Variants in PCDHGA10 observed in about 807,000 individuals in gnomAD.
PCDHGA10 encodes protocadherin gamma subfamily A, 10, also known as protocadherin gamma-A10.
In PCDHGA10, 42 loss-of-function variants were observed where a neutral mutation model predicts 59.5. That is an observed-to-expected ratio of 0.71 (90% confidence interval 0.55 to 0.91). PCDHGA10 has a LOEUF of 0.91. Ranked by LOEUF, PCDHGA10 falls within the 40% of genes least tolerant of loss-of-function variation. The pLI, the probability that PCDHGA10 is intolerant of heterozygous loss-of-function variation, is 0.00. For synonymous variants in PCDHGA10, 511 were observed against 517.2 expected, an observed-to-expected ratio of 0.99 and a Z score of 0.16; for missense variants, 1,111 against 1,198.2, an observed-to-expected ratio of 0.93 and a Z score of 1.07.
At chr5:141,470,139 A>AT (rs146570937) in intron 1 of PCDHGA10, among the ~76,000 whole-genome samples, 7,047 of 152,316 alleles carry the variant, frequency 0.046, 200 homozygotes, top group Middle Eastern at 0.092. Flanking sequence ...AAAAAAAAAG[A>AT]TCATAGATCA....
chr5:141,448,192 TACAAAC>T (rs2098573842), intron 1 of PCDHGA10, among the ~76,000 whole-genome samples: 1 of 152,188 alleles, frequency 6.6e-6, no homozygotes, highest in Non-Finnish European at 1.5e-5. Flanking sequence ...TATGTACACT[TACAAAC>T]ATTTTCTGTG....
At chr5:141,492,265 G>C (rs1363279754) in intron 1 of PCDHGA10, among the ~76,000 whole-genome samples, 1 of 152,180 alleles carries the variant, frequency 6.6e-6, no homozygotes, top group Non-Finnish European at 1.5e-5. Flanking sequence ...CAAGTTGCAC[G>C]GGCTCGCCAC....
chr5:141,424,246 A>G (rs971050268), intron 1 of PCDHGA10: 2 of 154,772 alleles, frequency 1.3e-5, no homozygotes, highest in African/African-American at 4.8e-5. Context: ...GTGGCTGGTA[A>G]TATGCTTAGA....
At chr5:141,464,312 C>T (rs2099081610) in intron 1 of PCDHGA10, among the ~76,000 whole-genome samples, 1 of 149,056 alleles carries the variant, frequency 6.7e-6, no homozygotes, top group South Asian at 2.1e-4. Flanking sequence ...GTGCACATAT[C>T]ATTATCTGTT....
At chr5:141,464,682 T>C (rs1442997972) in intron 1 of PCDHGA10, among the ~76,000 whole-genome samples, 1 of 152,132 alleles carries the variant, frequency 6.6e-6, no homozygotes, top group Non-Finnish European at 1.5e-5. Flanking sequence ...TTAATTAAAA[T>C]TTCTCTTATT....
chr5:141,509,298 C>A (rs974744333), intron 3 of PCDHGA10, among the ~76,000 whole-genome samples: 1 of 152,180 alleles, frequency 6.6e-6, no homozygotes, highest in Non-Finnish European at 1.5e-5. Flanking sequence ...AGGGTGGAGG[C>A]AGAGGGAGGC....
intron 1 of PCDHGA10, chr5:141,418,120 G>A: frequency 6.2e-7 from 1 of 1,614,084 alleles, no homozygotes; most frequent in Non-Finnish European, 8.5e-7. Context: ...TACTTGTGAA[G>A]GACCGAATAG....
At chr5:141,422,887 C>T in intron 1 of PCDHGA10, 1 of 1,614,264 alleles carries the variant, frequency 6.2e-7, no homozygotes, top group Non-Finnish European at 8.5e-7. Context: ...CCTGTTCGTG[C>T]TGGACCAGAA....
In PCDHGA10 at chr5:141,481,831, G is replaced by A. The variant is rs35816779; in HGVS notation, c.2437-12976G>A. On this transcript the variant is annotated intron_variant, in intron 1 of 3. Coordinates refer to ENST00000398610, the MANE Select transcript of PCDHGA10 (RefSeq NM_018913.3). ...ACCAGGCGTGGTGGCTGAGGCAGGAGAATCGCTTGATGGTGGAGGTTGCAG... is the reference window on the plus strand; with the variant it reads ...ACCAGGCGTGGTGGCTGAGGCAGGAAAATCGCTTGATGGTGGAGGTTGCAG... Among the ~76,000 whole-genome samples the A allele has an allele frequency of 1.9e-3, 280 of 149,560 alleles. 1 individual carries two copies. The highest frequency in any genetic ancestry group is 0.01 in the Middle Eastern group (3 of 290).
chr5:141,474,967 T>G (rs745581213), intron 1 of PCDHGA10, among the ~76,000 whole-genome samples: 6 of 152,252 alleles, frequency 3.9e-5, no homozygotes, highest in Non-Finnish European at 7.3e-5. Context: ...TCCTAATCAT[T>G]ATAATTTTGT....
chr5:141,497,131 A>G (rs1269110126), intron 2 of PCDHGA10, among the ~76,000 whole-genome samples: 3 of 152,122 alleles, frequency 2.0e-5, no homozygotes, highest in Admixed American at 6.6e-5. Flanking sequence ...GGTTGCAGTG[A>G]GCTGAGATCA....
chr5:141,461,196 T>C (rs1398352067), intron 1 of PCDHGA10, among the ~76,000 whole-genome samples: 3 of 152,128 alleles, frequency 2.0e-5, no homozygotes. Context: ...TGTTTTTTGC[T>C]CTTTAGAGAA....
At chr5:141,502,356 G>C (rs1443285213) in intron 2 of PCDHGA10, among the ~76,000 whole-genome samples, 4 of 151,838 alleles carry the variant, frequency 2.6e-5, no homozygotes. Flanking sequence ...TAATGACATG[G>C]ATATTTTTAA....
In PCDHGA10 at chr5:141,414,348, G is replaced by A. The variant is rs1390188717; in HGVS notation, c.1173G>A (p.Leu391=). ...ATGGACAGGTAACCTGTTCCATTTTGGCGTATCTACCATTTAAATTAGAAA... is the reference window on the plus strand; with the variant it reads ...ATGGACAGGTAACCTGTTCCATTTTAGCGTATCTACCATTTAAATTAGAAA... ...EQNGQVTCSI[L]AYLPFKLEKS... The change falls in exon 1 of 4, where the codon TTG becomes TTA. Residue 391 remains leucine (L), a synonymous_variant. Coordinates refer to ENST00000398610, the MANE Select transcript of PCDHGA10 (RefSeq NM_018913.3). 1 of 1,613,818 alleles carries A rather than the reference G, an allele frequency of 6.2e-7. No homozygotes were observed. Among genetic ancestry groups the A allele is most frequent in the South Asian group, 1.1e-5 (1 of 91,076 alleles).
chr5:141,496,215 T>C (rs2099767024), intron 2 of PCDHGA10, among the ~76,000 whole-genome samples: 3 of 152,114 alleles, frequency 2.0e-5, no homozygotes, highest in Non-Finnish European at 4.4e-5. Context: ...TATGAATTCC[T>C]GCTGAGACAG....
At chr5:141,456,149 G>A (rs377506220) in intron 1 of PCDHGA10, among the ~76,000 whole-genome samples, 1 of 151,866 alleles carries the variant, frequency 6.6e-6, no homozygotes, top group East Asian at 1.9e-4. Flanking sequence ...CGCCCGCCTC[G>A]GCCTCCTAAA....
At position 141,491,910 on chromosome 5, in the gene PCDHGA10, G is replaced by T. The variant is rs946745903; in HGVS notation, c.2437-2897G>T. On this transcript the variant is annotated intron_variant, in intron 1 of 3. Coordinates refer to ENST00000398610, the MANE Select transcript of PCDHGA10 (RefSeq NM_018913.3). This position sits in a 1 kb window ranked among gnomAD's most constrained non-coding sequence, Gnocchi z 6.9. ...GGCTCCGAGCACCGGGGGTGGTGGC[G>T]ACTGTGGGCGAGGGGAGGTGGGACC... 3.6e-6 allele frequency: 5 copies of T among 1,406,946 alleles called. No individual in the cohort carries two copies. Among genetic ancestry groups the T allele is most frequent in the Non-Finnish European group, 4.7e-6 (5 of 1,059,702 alleles). 87.2% of individuals were successfully genotyped at this position (1,406,946 alleles called of 1,614,324 possible).
At chr5:141,428,204 C>T (rs756271858) in intron 1 of PCDHGA10, 23 of 1,324,604 alleles carry the variant, frequency 1.7e-5, no homozygotes, top group Admixed American at 5.5e-5. Flanking sequence ...TGCGCCGCTA[C>T]GCTTCACCTA....
intron 2 of PCDHGA10, among the ~76,000 whole-genome samples, chr5:141,497,879 G>T (rs62379207): frequency 2.0e-5 from 3 of 152,128 alleles, no homozygotes; most frequent in Admixed American, 6.5e-5. Flanking sequence ...TGAAATAAGC[G>T]TTAGGATCTA....
Sources: gnomAD v4.1 joint callset for allele counts (sites outside exome capture counted in the v4.1 genomes callset) on GRCh38, gnomAD v4.1.1 for gene constraint, Gnocchi (gnomAD v3.1) non-coding constraint, MANE v1.5 for transcripts, NCBI Gene and HGNC (gene_info 2026-07-23, HGNC 2026-07-21) for gene names.